PLCB1: variants seen among roughly 807,000 people sequenced by gnomAD.
The protein encoded by PLCB1 is phospholipase C beta 1.
Under a neutral mutation model 161.8 loss-of-function variants are expected in PLCB1, and 46 were observed. That is an observed-to-expected ratio of 0.28 (90% CI 0.22 to 0.36). The LOEUF (loss-of-function observed/expected upper bound fraction) is 0.36, where lower values mean the gene tolerates loss of function less well. Ranked by LOEUF, PLCB1 falls within the 10% of genes least tolerant of loss-of-function variation. The probability of loss-of-function intolerance (pLI) is 1.00; values close to 1 mark genes in which losing one functional copy is unlikely to be tolerated. For missense variants in PLCB1, 1,016 were observed against 1,472.5 expected (o/e 0.69, Z 5.07); for synonymous variants, 517 against 503.7 (o/e 1.03, Z -0.35).
At chr20:8,383,227 G>A (rs1221120647) in intron 3 of PLCB1, among the ~76,000 whole-genome samples, 1 of 152,048 alleles carries the variant, frequency 6.6e-6, no homozygotes, top group African/African-American at 2.4e-5. Flanking sequence ...TCCTGTATTG[G>A]GTGCATATAT....
chr20:8,228,676 A>AT (rs111749385), intron 2 of PLCB1, among the ~76,000 whole-genome samples: 1,501 of 117,218 alleles, frequency 0.013, 24 homozygotes, highest in African/African-American at 0.046. Flanking sequence ...CGCCCCACTA[A>AT]TTTTTTTTTG....
intron 3 of PLCB1, among the ~76,000 whole-genome samples, chr20:8,455,746 C>A (rs545559884): frequency 6.6e-6 from 1 of 152,168 alleles, no homozygotes; most frequent in South Asian, 2.1e-4. Flanking sequence ...GCTGTGTGAG[C>A]ACATGGTTGG....
intron 2 of PLCB1, among the ~76,000 whole-genome samples, chr20:8,189,886 T>C (rs6086362): frequency 0.011 from 1,741 of 152,140 alleles, 11 homozygotes; most frequent in Non-Finnish European, 0.018. Context: ...TTCAAGGGAA[T>C]GTTTTTCCAG....
At chr20:8,835,485 A>T (rs1211415092) in intron 31 of PLCB1, among the ~76,000 whole-genome samples, 4 of 152,132 alleles carry the variant, frequency 2.6e-5, no homozygotes. Context: ...TCTATGCTGT[A>T]TAAAAAGTAA....
At chr20:8,325,302 T>G (rs1344232073) in intron 2 of PLCB1, among the ~76,000 whole-genome samples, 2 of 152,246 alleles carry the variant, frequency 1.3e-5, no homozygotes, top group East Asian at 3.8e-4. Context: ...TAGACCATTA[T>G]TCTGGACTCT....
At chr20:8,141,307 G>A (rs1248310552) in intron 1 of PLCB1, among the ~76,000 whole-genome samples, 2 of 152,098 alleles carry the variant, frequency 1.3e-5, no homozygotes, top group Admixed American at 6.6e-5. Flanking sequence ...GTGAGCATTG[G>A]AAAACCTCAT....
intron 8 of PLCB1, among the ~76,000 whole-genome samples, 166 bp from the exon 9 acceptor site, chr20:8,658,372 A>G (rs890152304): frequency 1.3e-5 from 2 of 152,162 alleles, no homozygotes; most frequent in African/African-American, 4.8e-5. Flanking sequence ...CCATAGAGGT[A>G]TAGAAATTAT....
intron 2 of PLCB1, among the ~76,000 whole-genome samples, chr20:8,283,129 G>A (rs1401108146): frequency 6.6e-6 from 1 of 152,116 alleles, no homozygotes; most frequent in East Asian, 1.9e-4. Context: ...AGGATACTCT[G>A]GACATTCCCA....
chr20:8,857,987 G>A (rs905943131), intron 31 of PLCB1, among the ~76,000 whole-genome samples: 2 of 151,982 alleles, frequency 1.3e-5, no homozygotes, highest in Admixed American at 6.6e-5. Context: ...TCTTTTGTCA[G>A]ATGTGTTTGT....
intron 2 of PLCB1, among the ~76,000 whole-genome samples, chr20:8,244,703 A>G (rs1439484282): frequency 6.6e-6 from 1 of 151,910 alleles, no homozygotes; most frequent in Admixed American, 6.6e-5. Flanking sequence ...ATACTTCCCC[A>G]TGTATATGCT....
intron 18 of PLCB1, 73 bp downstream of exon 18, chr20:8,729,247 T>TG: frequency 7.5e-7 from 1 of 1,340,016 alleles, no homozygotes; most frequent in Non-Finnish European, 9.9e-7. Flanking sequence ...CTTACATAAT[T>TG]GGGGGAGAGA....
At chr20:8,225,585 C>T (rs1444065242) in intron 2 of PLCB1, among the ~76,000 whole-genome samples, 2 of 152,156 alleles carry the variant, frequency 1.3e-5, no homozygotes, top group African/African-American at 2.4e-5. Flanking sequence ...TTAGCTTCAC[C>T]GACTTTTTCA....
chr20:8,779,506 GCAAAAAAAAAAAA>G (rs770297765), intron 27 of PLCB1, among the ~76,000 whole-genome samples: 1 of 19,806 alleles, frequency 5.0e-5, no homozygotes, highest in African/African-American at 1.4e-4. Flanking sequence ...CCACTTTTGT[GCAAAAAAAAAAAA>G]AAAAAAAAAA....
At chr20:8,198,479 C>G (rs1015725575) in intron 2 of PLCB1, among the ~76,000 whole-genome samples, 2 of 152,018 alleles carry the variant, frequency 1.3e-5, no homozygotes, top group Non-Finnish European at 2.9e-5. Flanking sequence ...CAATGGGGCT[C>G]TCTTACCTGT....
chr20:8,650,449 T>C (rs1174585042), intron 7 of PLCB1, among the ~76,000 whole-genome samples: 1 of 152,172 alleles, frequency 6.6e-6, no homozygotes, highest in Non-Finnish European at 1.5e-5. Flanking sequence ...TGATTAAAAG[T>C]AAGTATAAAT....
At chr20:8,280,335 C>CAA (rs771888171) in intron 2 of PLCB1, among the ~76,000 whole-genome samples, 3 of 79,058 alleles carry the variant, frequency 3.8e-5, no homozygotes, top group Non-Finnish European at 5.4e-5. Flanking sequence ...AACTCTGTCT[C>CAA]AAAAAAAAAA....
chr20:8,768,281 G>T (rs1982469848), intron 26 of PLCB1, among the ~76,000 whole-genome samples: 1 of 152,104 alleles, frequency 6.6e-6, no homozygotes, highest in Non-Finnish European at 1.5e-5. Flanking sequence ...ACTTCTGGTG[G>T]TTGCTGGCAA....
intron 3 of PLCB1, among the ~76,000 whole-genome samples, chr20:8,461,799 A>C (rs1981588925): frequency 6.6e-6 from 1 of 152,124 alleles, no homozygotes; most frequent in Admixed American, 6.6e-5. Context: ...GTGGAAGCAA[A>C]CAATATTTTT....
intron 2 of PLCB1, among the ~76,000 whole-genome samples, chr20:8,321,139 G>A (rs1004646602): frequency 2.6e-5 from 4 of 152,096 alleles, no homozygotes; most frequent in Non-Finnish European, 5.9e-5. Context: ...GAAATAAACC[G>A]TTTAGGTAGT....
Sources: allele counts gnomAD v4.1 joint callset (sites outside exome capture counted in the v4.1 genomes callset), GRCh38; gene constraint gnomAD v4.1.1; transcripts MANE v1.5; gene names NCBI Gene and HGNC (gene_info 2026-07-23, HGNC 2026-07-21).